The following VWC2L variants were observed in gnomAD, a reference collection of about 807,000 sequenced individuals.
VWC2L encodes von Willebrand factor C domain containing 2 like, also known as von Willebrand factor C domain-containing protein 2-like.
VWC2L carries 10 observed loss-of-function variants against 21.6 expected under a neutral mutation model. The ratio of observed to expected loss-of-function variants is 0.46; its 90% CI spans 0.29 to 0.78. The LOEUF (loss-of-function observed/expected upper bound fraction) is 0.78, where lower values mean the gene tolerates loss of function less well. VWC2L is among the 30% of genes least tolerant of loss of function. The pLI, the probability that VWC2L is intolerant of heterozygous loss-of-function variation, is 0.10. For missense variants in VWC2L, 209 were observed against 277.1 expected (o/e 0.75, Z 1.74); for synonymous variants, 96 against 94.3 (o/e 1.02, Z -0.10).
At chr2:214,540,920 T>C (rs1457500141) in intron 3 of VWC2L, among the ~76,000 whole-genome samples, 2 of 152,304 alleles carry the variant, frequency 1.3e-5, no homozygotes, top group East Asian at 3.9e-4. Context: ...TCAATTAATC[T>C]CCATTTATTG....
chr2:214,528,857 C>A (rs1225925570), intron 3 of VWC2L, among the ~76,000 whole-genome samples: 4 of 152,314 alleles, frequency 2.6e-5, no homozygotes, highest in African/African-American at 9.6e-5. Context: ...CTCTTATTAA[C>A]TTTTCTTTGC....
At chr2:214,553,369 C>T (rs1305787820) in intron 3 of VWC2L, among the ~76,000 whole-genome samples, 2 of 152,170 alleles carry the variant, frequency 1.3e-5, no homozygotes, top group Non-Finnish European at 1.5e-5. Context: ...TTTAGAGATA[C>T]ATAAGACGTT....
chr2:214,517,231 C>T (rs1312443753), intron 3 of VWC2L, among the ~76,000 whole-genome samples: 1 of 152,204 alleles, frequency 6.6e-6, no homozygotes, highest in African/African-American at 2.4e-5. Context: ...TTCAGTACCC[C>T]AGACTCTCAA....
intron 3 of VWC2L, among the ~76,000 whole-genome samples, chr2:214,561,467 G>GA (rs1194013054): frequency 1.3e-5 from 2 of 152,004 alleles, no homozygotes; most frequent in Non-Finnish European, 2.9e-5. Flanking sequence ...AAAATAAAGA[G>GA]AAAAAATTAA....
intron 3 of VWC2L, among the ~76,000 whole-genome samples, chr2:214,495,231 A>G (rs1452569429): frequency 6.6e-6 from 1 of 152,052 alleles, no homozygotes; most frequent in East Asian, 1.9e-4. Context: ...TGCTAAGAAA[A>G]TCCCTACTCC....
chr2:214,447,578 G>T (rs756265402), intron 3 of VWC2L, among the ~76,000 whole-genome samples: 3 of 152,084 alleles, frequency 2.0e-5, no homozygotes, highest in African/African-American at 4.8e-5. Context: ...CCCTGAACTG[G>T]TTTTGTGTAA....
intron 3 of VWC2L, among the ~76,000 whole-genome samples, chr2:214,483,347 T>A (rs1688632399): frequency 6.6e-6 from 1 of 152,100 alleles, no homozygotes; most frequent in Admixed American, 6.5e-5. Flanking sequence ...GCTTAACTAT[T>A]TTTTTTTCTG....
intron 3 of VWC2L, among the ~76,000 whole-genome samples, chr2:214,492,297 C>T (rs1415640145): frequency 2.6e-5 from 4 of 152,160 alleles, no homozygotes; most frequent in African/African-American, 9.7e-5. Flanking sequence ...GGATGCACCG[C>T]ACTCAGAGTG....
chr2:214,471,218 C>G (rs1036344789), intron 3 of VWC2L, among the ~76,000 whole-genome samples: 17 of 152,096 alleles, frequency 1.1e-4, no homozygotes, highest in Non-Finnish European at 2.1e-4. Context: ...ACTTCGAAGC[C>G]CAACTCATGC....
intron 2 of VWC2L, among the ~76,000 whole-genome samples, chr2:214,420,535 G>T (rs1395977529): frequency 6.6e-6 from 1 of 152,282 alleles, no homozygotes; most frequent in Non-Finnish European, 1.5e-5. Context: ...TAAGTCAGAT[G>T]TTTACACAAG....
At position 214,466,410 on chromosome 2, in the gene VWC2L, C is replaced by T. The variant is rs75034801; in HGVS notation, c.520+29652C>T. 5.9e-3 allele frequency among the ~76,000 whole-genome samples: 893 copies of T among 152,178 alleles called. 37 individuals are homozygous for T. The East Asian group carries it at 0.11, about 20-fold the overall frequency. ...CCCTCCCTAGCTGCTTTTAATGTTT[C>T]TCTATCACTGCTTTTGTGGAATATG... On this transcript the variant is annotated intron_variant, in intron 3 of 3. Coordinates refer to ENST00000312504, the MANE Select transcript of VWC2L (RefSeq NM_001080500.4).
intron 3 of VWC2L, among the ~76,000 whole-genome samples, chr2:214,503,653 C>A (rs543319695): frequency 1.2e-4 from 18 of 151,176 alleles, no homozygotes; most frequent in African/African-American, 4.4e-4. Context: ...CAGGAGTCTG[C>A]ATTTTTGCTG....
chr2:214,540,318 C>A (rs190645571), intron 3 of VWC2L, among the ~76,000 whole-genome samples: 2 of 152,212 alleles, frequency 1.3e-5, no homozygotes, highest in Admixed American at 1.3e-4. Flanking sequence ...TAACAGAGCA[C>A]CCCATTTTAA....
At chr2:214,550,871 T>C (rs145248397) in intron 3 of VWC2L, among the ~76,000 whole-genome samples, 7 of 152,184 alleles carry the variant, frequency 4.6e-5, no homozygotes, top group Non-Finnish European at 7.3e-5. Context: ...TGGCTCCCCA[T>C]TTCTTAGAGG....
chr2:214,571,393 T>C (rs1190545592), intron 3 of VWC2L, among the ~76,000 whole-genome samples: 1 of 152,216 alleles, frequency 6.6e-6, no homozygotes, highest in Non-Finnish European at 1.5e-5. Flanking sequence ...TGGTTTGTTG[T>C]AATAATTAAA....
Position 214,532,107 on chromosome 2 carries a change from G to A in VWC2L, c.521-43565G>A, listed in dbSNP as rs115159079. Among the ~76,000 whole-genome samples the A allele has an allele frequency of 4.5e-3, 686 of 152,202 alleles. 11 individuals are homozygous for A. The highest frequency in any genetic ancestry group is 0.016 in the African/African-American group (665 of 41,526). On this transcript the variant is annotated intron_variant, in intron 3 of 3. Coordinates refer to ENST00000312504, the MANE Select transcript of VWC2L (RefSeq NM_001080500.4). ...AAATGCAAAGGTAACCATAGAGATA[G>A]GAAACCTAGGCCAGAGACTGAAAAA...
intron 3 of VWC2L, among the ~76,000 whole-genome samples, chr2:214,495,154 A>C (rs986272644): frequency 6.6e-6 from 1 of 152,180 alleles, no homozygotes; most frequent in Non-Finnish European, 1.5e-5. Flanking sequence ...ATTGGAAAAC[A>C]TTCTGCTAAT....
At chr2:214,556,720 G>C (rs1559329924) in intron 3 of VWC2L, among the ~76,000 whole-genome samples, 1 of 152,138 alleles carries the variant, frequency 6.6e-6, no homozygotes, top group Non-Finnish European at 1.5e-5. Context: ...TCCATACCAG[G>C]AGGACTTCCA....
At chr2:214,422,823 A>G (rs1349694679) in intron 2 of VWC2L, among the ~76,000 whole-genome samples, 1 of 152,204 alleles carries the variant, frequency 6.6e-6, no homozygotes, top group Non-Finnish European at 1.5e-5. Flanking sequence ...TCAGCTCCTG[A>G]AAAAGTTTTC....
Sources: allele counts gnomAD v4.1 joint callset (sites outside exome capture counted in the v4.1 genomes callset), GRCh38; gene constraint gnomAD v4.1.1; transcripts MANE v1.5; gene names NCBI Gene and HGNC (gene_info 2026-07-23, HGNC 2026-07-21).